The following MED12L variants were observed in gnomAD, a reference collection of about 807,000 sequenced individuals.
MED12L encodes the protein mediator of RNA polymerase II transcription subunit 12-like protein.
In MED12L, 60 loss-of-function variants were observed where a neutral mutation model predicts 281.3. The observed-to-expected ratio is 0.21, with a 90% CI of 0.17 to 0.26. MED12L has a LOEUF of 0.26. Among genes scored for constraint, MED12L ranks in the 10% least tolerant of loss-of-function variants. The pLI, the probability that MED12L is intolerant of heterozygous loss-of-function variation, is 1.00. For missense variants in MED12L, 2,146 were observed against 2,680.9 expected (o/e 0.80, Z 4.41); for synonymous variants, 974 against 987.2 (o/e 0.99, Z 0.25).
At chr3:151,160,829 G>A (rs575813609) in intron 8 of MED12L, among the ~76,000 whole-genome samples, 113 of 152,310 alleles carry the variant, frequency 7.4e-4, no homozygotes, top group African/African-American at 2.5e-3. Context: ...AGTTGAAAAG[G>A]GGAACCTCTA....
chr3:151,152,084 G>GTTTTT (rs1277015023), intron 5 of MED12L, among the ~76,000 whole-genome samples: 1 of 110,862 alleles, frequency 9.0e-6, no homozygotes, highest in South Asian at 3.2e-4. Flanking sequence ...AGTTGAAGGT[G>GTTTTT]GTTTTTTTTT....
chr3:151,397,230 C>T (rs1364670173), intron 39 of MED12L, among the ~76,000 whole-genome samples: 1 of 152,212 alleles, frequency 6.6e-6, no homozygotes, highest in East Asian at 1.9e-4. Context: ...TCATCTCAGA[C>T]TCACTTCATA....
chr3:151,367,018 T>A (rs1755365676), intron 23 of MED12L, among the ~76,000 whole-genome samples: 1 of 152,220 alleles, frequency 6.6e-6, no homozygotes, highest in Admixed American at 6.5e-5. Context: ...GTATGAAGAT[T>A]GCTATTGTAG....
At chr3:151,114,344 T>C (rs558855026) in intron 2 of MED12L, among the ~76,000 whole-genome samples, 1 of 152,254 alleles carries the variant, frequency 6.6e-6, no homozygotes, top group African/African-American at 2.4e-5. Context: ...GCCAAAACAG[T>C]GGCCCGCCAA....
At chr3:151,380,085 T>C (rs771209990) in intron 31 of MED12L, 28 bp from the exon 32 acceptor site, 2 of 1,359,348 alleles carry the variant, frequency 1.5e-6, no homozygotes, top group South Asian at 2.5e-5. Flanking sequence ...TCTAACTAGA[T>C]CTGTTGTTAT....
chr3:151,155,975 C>T (rs1167697633), intron 5 of MED12L, among the ~76,000 whole-genome samples, 186 bp from the exon 6 acceptor site: 3 of 152,184 alleles, frequency 2.0e-5, no homozygotes, highest in East Asian at 1.9e-4. Context: ...CACTAGCATG[C>T]GTTCTCTAAG....
intron 16 of MED12L, among the ~76,000 whole-genome samples, chr3:151,280,884 G>C (rs1176567254): frequency 1.3e-5 from 2 of 151,688 alleles, no homozygotes; most frequent in Non-Finnish European, 2.9e-5. Flanking sequence ...AGAAAATAGA[G>C]CCTCAGAAAA....
At chr3:151,333,754 G>A (rs1415403616) in intron 16 of MED12L, among the ~76,000 whole-genome samples, 1 of 152,118 alleles carries the variant, frequency 6.6e-6, no homozygotes, top group African/African-American at 2.4e-5. Context: ...TAGTTTTCCA[G>A]AAAGATTGTA....
intron 2 of MED12L, 35 bp from the exon 3 acceptor site, chr3:151,116,303 A>G (rs1204353536): frequency 6.8e-7 from 1 of 1,474,890 alleles, no homozygotes; most frequent in East Asian, 2.3e-5. Flanking sequence ...AAGCTTTTAC[A>G]TCCTTCTGCT....
At chr3:151,419,359 G>C (rs937985034) in intron 43 of MED12L, among the ~76,000 whole-genome samples, 1 of 152,190 alleles carries the variant, frequency 6.6e-6, no homozygotes, top group East Asian at 1.9e-4. Context: ...AAGAACTTGG[G>C]AGTCCGGTGT....
At chr3:151,202,640 AGCCTG>A (rs1169071514) in intron 16 of MED12L, among the ~76,000 whole-genome samples, 1 of 152,246 alleles carries the variant, frequency 6.6e-6, no homozygotes, top group Non-Finnish European at 1.5e-5. Context: ...ACTGCACTCC[AGCCTG>A]GGTGAAAAAG....
chr3:151,166,259 T>C (rs1000928786), intron 11 of MED12L, among the ~76,000 whole-genome samples: 17 of 152,228 alleles, frequency 1.1e-4, no homozygotes, highest in Non-Finnish European at 2.2e-4. Context: ...TTTAGAAGAA[T>C]ATCCTTCATT....
chr3:151,235,031 T>G (rs1482972965), intron 16 of MED12L, among the ~76,000 whole-genome samples: 1 of 152,188 alleles, frequency 6.6e-6, no homozygotes, highest in Admixed American at 6.5e-5. Flanking sequence ...TTGTATGCGG[T>G]GGAGGTTGTG....
intron 16 of MED12L, among the ~76,000 whole-genome samples, chr3:151,341,596 C>T (rs1169918949): frequency 1.3e-5 from 2 of 150,310 alleles, no homozygotes; most frequent in East Asian, 1.9e-4. Flanking sequence ...TATTATTATA[C>T]GTTAAGTTTT....
intron 17 of MED12L, among the ~76,000 whole-genome samples, chr3:151,353,304 G>A (rs1158659065): frequency 6.6e-6 from 1 of 152,172 alleles, no homozygotes; most frequent in Non-Finnish European, 1.5e-5. Flanking sequence ...GTTAGTAAAT[G>A]AAAAATTCAA....
At chr3:151,093,991 A>G (rs577217987) in intron 2 of MED12L, among the ~76,000 whole-genome samples, 2 of 152,308 alleles carry the variant, frequency 1.3e-5, no homozygotes, top group African/African-American at 4.8e-5. Flanking sequence ...CTGGAGAGTA[A>G]ACTGCACTGG....
chr3:151,119,509 T>G (rs549273507), intron 3 of MED12L, among the ~76,000 whole-genome samples: 51 of 152,280 alleles, frequency 3.3e-4, no homozygotes, highest in Non-Finnish European at 2.6e-4. Flanking sequence ...TCCTACTGGA[T>G]TAGGGCCCAG....
chr3:151,117,385 G>A (rs1196714980), intron 3 of MED12L, among the ~76,000 whole-genome samples: 1 of 152,072 alleles, frequency 6.6e-6, no homozygotes, highest in Non-Finnish European at 1.5e-5. Context: ...TGGATGCTCA[G>A]TGCTACTGGA....
chr3:151,342,380 G>A lies in MED12L; in HGVS notation c.2251-7679G>A, dbSNP rs1327254984. 5.3e-5 allele frequency among the ~76,000 whole-genome samples: 8 copies of A among 152,260 alleles called. 1 individual carries two copies. The highest frequency in any genetic ancestry group is 2.6e-4 in the Admixed American group (4 of 15,278). ...AACACGTTTTGGTTTTTTCTTCTGCGTTTTGAGTATTTGTCTATGTCTTTA... is the reference window on the plus strand; with the variant it reads ...AACACGTTTTGGTTTTTTCTTCTGCATTTTGAGTATTTGTCTATGTCTTTA... On this transcript the variant is annotated intron_variant, in intron 16 of 44. Coordinates refer to ENST00000687756, the MANE Select transcript of MED12L (RefSeq NM_001393769.1).
Sources: gnomAD v4.1 joint callset for allele counts (sites outside exome capture counted in the v4.1 genomes callset) on GRCh38, gnomAD v4.1.1 for gene constraint, MANE v1.5 for transcripts, NCBI Gene and HGNC (gene_info 2026-07-23, HGNC 2026-07-21) for gene names.